The following IPMK variants were observed in gnomAD, a reference collection of about 807,000 sequenced individuals.
The protein encoded by IPMK is inositol polyphosphate multikinase, also known as inositol 1,3,4,6-tetrakisphosphate 5-kinase.
IPMK carries 17 observed loss-of-function variants against 45.8 expected under a neutral mutation model. The ratio of observed to expected loss-of-function variants is 0.37; its 90% CI spans 0.25 to 0.56. The LOEUF (loss-of-function observed/expected upper bound fraction) is 0.56. Among genes scored for constraint, IPMK ranks in the 20% least tolerant of loss-of-function variants. IPMK has a pLI of 0.79. For synonymous variants in IPMK, 180 were observed against 184.3 expected (o/e 0.98, Z 0.19); for missense variants, 399 against 498.0 (o/e 0.80, Z 1.89).
At chr10:58,264,172 T>C (rs977698197) in intron 1 of IPMK, among the ~76,000 whole-genome samples, 2 of 152,244 alleles carry the variant, frequency 1.3e-5, no homozygotes, top group African/African-American at 2.4e-5. Context: ...AGACACACTT[T>C]AGTATTAACA....
At chr10:58,205,402 A>G (rs1838056562) in intron 4 of IPMK, among the ~76,000 whole-genome samples, 1 of 152,232 alleles carries the variant, frequency 6.6e-6, no homozygotes, top group South Asian at 2.1e-4. Context: ...AACATTGCAC[A>G]TGAAAAGATG....
At chr10:58,233,876 T>A (rs888722376) in intron 2 of IPMK, among the ~76,000 whole-genome samples, 4 of 152,154 alleles carry the variant, frequency 2.6e-5, no homozygotes, top group Non-Finnish European at 5.9e-5. Context: ...GGAAGTCAAA[T>A]TGTCCCTGTT....
At chr10:58,266,490 AGTC>A (rs1445932910) in intron 1 of IPMK, among the ~76,000 whole-genome samples, 1 of 152,188 alleles carries the variant, frequency 6.6e-6, no homozygotes, top group Non-Finnish European at 1.5e-5. Context: ...GGTTGGCCTT[AGTC>A]ACCTCGTCTA....
At chr10:58,198,844 C>A (rs1042595338) in intron 5 of IPMK, among the ~76,000 whole-genome samples, 1 of 152,118 alleles carries the variant, frequency 6.6e-6, no homozygotes, top group African/African-American at 2.4e-5. Context: ...AATAAAAATA[C>A]ATTAAATGCT....
chr10:58,199,193 G>T, intron 5 of IPMK, 47 bp downstream of exon 5: 1 of 1,146,314 alleles, frequency 8.7e-7, no homozygotes, highest in Non-Finnish European at 1.3e-6. Context: ...AACTTTAGAA[G>T]TCTTTTAACT....
At chr10:58,232,594 G>C (rs998681623) in intron 2 of IPMK, among the ~76,000 whole-genome samples, 1 of 152,142 alleles carries the variant, frequency 6.6e-6, no homozygotes, top group Non-Finnish European at 1.5e-5. Context: ...GGTACATAAC[G>C]AAATGAAAGC....
chr10:58,248,487 G>A lies in IPMK; in HGVS notation c.191-10673C>T, dbSNP rs544867871. ...ATTTATTTTGATATGTGCTTACAAT[G>A]TGTAATGATCAAATAAGGGCAATCA... On this transcript the variant is annotated intron_variant, in intron 1 of 5. Transcript: ENST00000373935. Among the ~76,000 whole-genome samples the A allele has an allele frequency of 2.2e-4, 34 of 152,306 alleles. No individual in the cohort carries two copies. In the South Asian group the frequency reaches 7.0e-3, roughly 32 times the overall value.
chr10:58,234,412 C>G (rs1838576559), intron 2 of IPMK, among the ~76,000 whole-genome samples: 1 of 152,184 alleles, frequency 6.6e-6, no homozygotes, highest in African/African-American at 2.4e-5. Flanking sequence ...TGACTTCAAA[C>G]TATACTTCAA....
Position 58,194,752 on chromosome 10 carries a change from T to G in IPMK, c.*1324A>C, listed in dbSNP as rs947723552. ...GACAAAACTGATAACTACCTAGAAA[T>G]GTTATTAGTGAATGGAAGTGCAAGT... On this transcript the variant is annotated 3_prime_UTR_variant, in exon 6 of 6. Coordinates refer to ENST00000373935, the MANE Select transcript of IPMK (RefSeq NM_152230.5). 1 of 151,932 alleles carries G rather than the reference T, an allele frequency of 6.6e-6. No individual in the cohort carries two copies. Among genetic ancestry groups the G allele is most frequent in the African/African-American group, 2.4e-5 (1 of 41,432 alleles). 9.4% of individuals were successfully genotyped at this position (151,932 alleles called of 1,614,324 possible). A position where few individuals can be genotyped will look rare whatever the true frequency, so the allele number is the denominator to read the frequency against.
chr10:58,227,657 G>T (rs1372732623), intron 2 of IPMK, among the ~76,000 whole-genome samples: 4 of 151,942 alleles, frequency 2.6e-5, no homozygotes, highest in Admixed American at 2.0e-4. Context: ...TCTACATGGT[G>T]ATTTTTGCTT....
intron 3 of IPMK, among the ~76,000 whole-genome samples, chr10:58,219,969 C>T (rs556921102): frequency 6.6e-6 from 1 of 152,284 alleles, no homozygotes; most frequent in African/African-American, 2.4e-5. Flanking sequence ...GCATGTCTGC[C>T]CAGCTCAAGA....
rs1022468959 is a variant in IPMK at position 58,195,499 on chromosome 10, C to T, written c.*577G>A. 6.6e-6 allele frequency: 1 copy of T among 152,048 alleles called. No homozygotes were observed. The highest frequency in any genetic ancestry group is 1.5e-5 in the Non-Finnish European group (1 of 67,954). 9.4% of individuals were successfully genotyped at this position (152,048 alleles called of 1,614,324 possible). ...AGAGATGTAAAAATTAAAGAGAAAACCTGCTTTTGGAATGCAACAATTCTA... is the reference window on the plus strand; with the variant it reads ...AGAGATGTAAAAATTAAAGAGAAAATCTGCTTTTGGAATGCAACAATTCTA... On this transcript the variant is annotated 3_prime_UTR_variant, in exon 6 of 6. Coordinates refer to ENST00000373935, the MANE Select transcript of IPMK (RefSeq NM_152230.5).
intron 2 of IPMK, among the ~76,000 whole-genome samples, chr10:58,236,415 A>G (rs2440847): frequency 0.34 from 51,439 of 151,928 alleles, 10,955 homozygotes; most frequent in African/African-American, 0.61. Context: ...GCAAAATCTC[A>G]CAATGCATAG....
At chr10:58,197,582 G>A (rs943295829) in intron 5 of IPMK, among the ~76,000 whole-genome samples, 3 of 151,016 alleles carry the variant, frequency 2.0e-5, no homozygotes, top group African/African-American at 4.9e-5. Flanking sequence ...CCCAGAAGGC[G>A]GAGCTTGCAG....
In IPMK at chr10:58,266,373, G is replaced by C. The variant is rs138032340; in HGVS notation, c.190+1049C>G. On this transcript the variant is annotated intron_variant, in intron 1 of 5. Coordinates refer to ENST00000373935, the MANE Select transcript of IPMK (RefSeq NM_152230.5). ...TTTCTAAAAGCCTTGAGTTGTTTCAGCAAACACAATACATGGTGAAAAAAT... is the reference window on the plus strand; with the variant it reads ...TTTCTAAAAGCCTTGAGTTGTTTCACCAAACACAATACATGGTGAAAAAAT... 3.7e-3 allele frequency among the ~76,000 whole-genome samples: 562 copies of C among 152,272 alleles called. 7 individuals carry two copies. The highest frequency in any genetic ancestry group is 0.013 in the African/African-American group (524 of 41,544).
At chr10:58,196,754 G>A in intron 5 of IPMK, 56 bp from the exon 6 acceptor site, 1 of 1,188,900 alleles carries the variant, frequency 8.4e-7, no homozygotes, top group East Asian at 2.4e-5. Flanking sequence ...CTATTATTTG[G>A]GAAGTAAACT....
At chr10:58,231,960 T>A (rs1838530438) in intron 2 of IPMK, among the ~76,000 whole-genome samples, 1 of 151,598 alleles carries the variant, frequency 6.6e-6, no homozygotes, top group Non-Finnish European at 1.5e-5. Flanking sequence ...GCACATAGGC[T>A]CAAAATAAAG....
intron 2 of IPMK, among the ~76,000 whole-genome samples, chr10:58,227,694 A>G (rs1344864766): frequency 6.6e-6 from 1 of 152,182 alleles, no homozygotes; most frequent in Non-Finnish European, 1.5e-5. Context: ...AAATCCTTTA[A>G]CACAATGTAA....
At chr10:58,252,057 T>C (rs2440851) in intron 1 of IPMK, among the ~76,000 whole-genome samples, 51,483 of 152,120 alleles carry the variant, frequency 0.34, 10,960 homozygotes, top group African/African-American at 0.61. Context: ...TTCTTCCTTT[T>C]TTCCACTTAC....
Sources: gnomAD v4.1 joint callset for allele counts (sites outside exome capture counted in the v4.1 genomes callset) on GRCh38, gnomAD v4.1.1 for gene constraint, MANE v1.5 for transcripts, NCBI Gene and HGNC (gene_info 2026-07-23, HGNC 2026-07-21) for gene names.